Variants in RILPL1 observed in about 807,000 individuals in gnomAD.
The protein encoded by RILPL1 is Rab interacting lysosomal protein like 1, also known as RILP-like protein 1.
Under a neutral mutation model 50.3 loss-of-function variants are expected in RILPL1, and 33 were observed. The observed-to-expected ratio is 0.66, with a 90% CI of 0.50 to 0.88. The LOEUF is 0.88. Among genes scored for constraint, RILPL1 ranks in the 40% least tolerant of loss-of-function variants. The probability of loss-of-function intolerance (pLI) is 0.00; values close to 1 mark genes in which losing one functional copy is unlikely to be tolerated. For missense variants in RILPL1, 418 were observed against 542.5 expected, an observed-to-expected ratio of 0.77 and a Z score of 2.28; for synonymous variants, 205 against 228.6, an observed-to-expected ratio of 0.90 and a Z score of 0.93.
intron 4 of RILPL1, among the ~76,000 whole-genome samples, chr12:123,488,344 G>T (rs1882475810): frequency 6.6e-6 from 1 of 151,834 alleles, no homozygotes; most frequent in African/African-American, 2.4e-5. Flanking sequence ...AGGAGGCTGA[G>T]GCATGAGGAT....
chr12:123,499,538 T>C lies in RILPL1; in HGVS notation c.461-2A>G. 6.2e-7 allele frequency: 1 copy of C among 1,609,638 alleles called. No homozygotes were observed. Among genetic ancestry groups the C allele is most frequent in the Non-Finnish European group, 8.5e-7 (1 of 1,176,098 alleles). On this transcript the variant is annotated splice_acceptor_variant, in intron 2 of 6. Transcript: ENST00000376874. LOFTEE classifies it high-confidence loss of function. ...CCTGTCGCTCCCGCTCTGACATGCC[T>C]GGGTGGGCAAGTGAGACCGGCAGGT...
chr12:123,496,284 G>C (rs1883028318), intron 4 of RILPL1, among the ~76,000 whole-genome samples: 1 of 152,110 alleles, frequency 6.6e-6, no homozygotes, highest in Non-Finnish European at 1.5e-5. Flanking sequence ...AAAGTGCTGG[G>C]ATTACAGGTG....
At chr12:123,477,003 C>T (rs1451872353) in intron 6 of RILPL1, among the ~76,000 whole-genome samples, 2 of 152,156 alleles carry the variant, frequency 1.3e-5, no homozygotes, top group African/African-American at 2.4e-5. Context: ...TGACCCTAAG[C>T]GCCAGGCGAG....
rs896455999 is a variant in RILPL1, at chr12:123,501,952, G to C, written c.461-2416C>G. Among the ~76,000 whole-genome samples the C allele has an allele frequency of 2.6e-4, 40 of 151,758 alleles. 1 individual carries two copies. The highest frequency in any genetic ancestry group is 2.5e-3 in the Admixed American group (38 of 15,202). On this transcript the variant is annotated intron_variant, in intron 2 of 6. Coordinates refer to ENST00000376874, the MANE Select transcript of RILPL1 (RefSeq NM_178314.5). ...TAGCCAGGCGTGGTGGCGCATGCCT[G>C]TAATCCCAGCTACTCGGGAGGCTGA...
intron 6 of RILPL1, 121 bp downstream of exon 6, chr12:123,484,059 T>C (rs1481183711): frequency 3.1e-6 from 2 of 645,978 alleles, no homozygotes; most frequent in Non-Finnish European, 5.4e-6. Flanking sequence ...AGGCCAGACG[T>C]CTCAGCAGGA....
intron 6 of RILPL1, among the ~76,000 whole-genome samples, chr12:123,483,894 A>C (rs918449707): frequency 6.6e-6 from 1 of 151,316 alleles, no homozygotes; most frequent in African/African-American, 2.4e-5. Context: ...GATGCACCCC[A>C]CCCCCATGAA....
chr12:123,502,605 GCAAGGCCCTAT>G (rs1883467478), intron 2 of RILPL1, among the ~76,000 whole-genome samples: 1 of 151,340 alleles, frequency 6.6e-6, no homozygotes, highest in Non-Finnish European at 1.5e-5. Context: ...CCACAGGAGG[GCAAGGCCCTAT>G]CTGCCCTAGT....
intron 2 of RILPL1, among the ~76,000 whole-genome samples, chr12:123,518,705 A>G (rs1372090785): frequency 6.6e-6 from 1 of 152,084 alleles, no homozygotes; most frequent in African/African-American, 2.4e-5. Flanking sequence ...TATTGATTAC[A>G]TGTTACAAGG....
intron 2 of RILPL1, among the ~76,000 whole-genome samples, chr12:123,519,147 C>G (rs1346563572): frequency 6.6e-6 from 1 of 151,164 alleles, no homozygotes; most frequent in African/African-American, 2.4e-5. Flanking sequence ...ACAATGACTT[C>G]TCTTTTGTTG....
In RILPL1 at chr12:123,498,587, C is replaced by T. The variant is rs1883176017; in HGVS notation, c.758G>A (p.Arg253Lys). The change falls in exon 4 of 7, where the codon AGG (arginine) becomes AAG (lysine). Residue 253 changes from arginine (R) to lysine (K), a missense_variant. Physicochemically the swap from Arg to Lys is conservative, Grantham distance 26. Coordinates refer to ENST00000376874, the MANE Select transcript of RILPL1 (RefSeq NM_178314.5). The surrounding 1 kb of genome is among the most constrained non-coding windows in gnomAD (Gnocchi z 4.3). ...ATTCTGGCTGTGCTCCCCCTGCAGCCTCTCTCGCAACTTCCCCAGCTCTGC... is the reference window on the plus strand; with the variant it reads ...ATTCTGGCTGTGCTCCCCCTGCAGCTTCTCTCGCAACTTCCCCAGCTCTGC... ...LRAELGKLRE[R>K]LQGEHSQNGE... The T allele has an allele frequency of 1.2e-6, 2 of 1,613,578 alleles. No individual in the cohort carries two copies.
chr12:123,487,125 C>A (rs1882394383), intron 4 of RILPL1, among the ~76,000 whole-genome samples: 1 of 152,074 alleles, frequency 6.6e-6, no homozygotes, highest in African/African-American at 2.4e-5. Flanking sequence ...TAAGCAGTCA[C>A]TCTCTACTTC....
chr12:123,472,798 AG>A, intron 6 of RILPL1, 116 bp from the exon 7 acceptor site: 1 of 1,132,286 alleles, frequency 8.8e-7, no homozygotes, highest in Non-Finnish European at 1.3e-6. Flanking sequence ...AATCAATTCA[AG>A]GTGTGAAAGA....
At chr12:123,523,816 C>T (rs2139386399) in intron 1 of RILPL1, among the ~76,000 whole-genome samples, 171 bp from the exon 2 acceptor site, 1 of 152,372 alleles carries the variant, frequency 6.6e-6, no homozygotes, top group East Asian at 1.9e-4. Context: ...CTGCAAGAAA[C>T]AGAAGCCACC....
chr12:123,475,848 G>T (rs190424159), intron 6 of RILPL1: 2 of 729,050 alleles, frequency 2.7e-6, no homozygotes, highest in East Asian at 2.7e-5. Flanking sequence ...TTTGATTAGG[G>T]TCTAAGTTAG....
At chr12:123,478,553 A>G (rs970081385) in intron 6 of RILPL1, among the ~76,000 whole-genome samples, 2 of 144,296 alleles carry the variant, frequency 1.4e-5, no homozygotes, top group Non-Finnish European at 3.0e-5. Context: ...GGCGGCTGTG[A>G]AGAAGCTATT....
At chr12:123,505,955 C>T (rs1593573739) in intron 2 of RILPL1, among the ~76,000 whole-genome samples, 7 of 152,196 alleles carry the variant, frequency 4.6e-5, no homozygotes, top group African/African-American at 1.7e-4. Flanking sequence ...CTTCTGTGTA[C>T]ATGACACCGA....
intron 2 of RILPL1, among the ~76,000 whole-genome samples, chr12:123,516,063 C>G (rs1165678656): frequency 9.3e-6 from 1 of 106,954 alleles, no homozygotes; most frequent in African/African-American, 4.5e-5. Context: ...AAAAAAAATG[C>G]CCCGAGATGA....
chr12:123,521,990 C>G (rs755074709), intron 2 of RILPL1, among the ~76,000 whole-genome samples: 7 of 151,946 alleles, frequency 4.6e-5, no homozygotes, highest in Non-Finnish European at 7.4e-5. Flanking sequence ...GGCCAGGCCT[C>G]AAACTCCTGA....
rs796382859 is a variant in RILPL1, at chr12:123,525,333, T to C, written c.310-1688A>G. Among the ~76,000 whole-genome samples the C allele has an allele frequency of 5.3e-4, 79 of 150,238 alleles. 1 individual carries two copies. The highest frequency in any genetic ancestry group is 3.4e-3 in the Middle Eastern group (1 of 292). ...CCTGGGCTCAAGTGATCCTCCCACC[T>C]CAGCCTCCCAGTAGCTGGGACTACA... is the stretch of plus-strand genomic sequence containing the variant. On this transcript the variant is annotated intron_variant, in intron 1 of 6. Transcript: ENST00000376874.
Sources: gnomAD v4.1 joint callset for allele counts (sites outside exome capture counted in the v4.1 genomes callset) on GRCh38, gnomAD v4.1.1 for gene constraint, Gnocchi (gnomAD v3.1) non-coding constraint, MANE v1.5 for transcripts, NCBI Gene and HGNC (gene_info 2026-07-23, HGNC 2026-07-21) for gene names.